Variants in PRKG1 observed in about 807,000 individuals in gnomAD.
PRKG1 encodes protein kinase cGMP-dependent 1.
Under a neutral mutation model 88.1 loss-of-function variants are expected in PRKG1, and 35 were observed. The observed-to-expected ratio is 0.40, with a 90% confidence interval of 0.30 to 0.53. PRKG1 has a LOEUF of 0.53. Among genes scored for constraint, PRKG1 ranks in the 20% least tolerant of loss-of-function variants. PRKG1 has a pLI of 0.59. For synonymous variants in PRKG1, 303 were observed against 292.5 expected (o/e 1.04, Z -0.37); for missense variants, 540 against 839.8 (o/e 0.64, Z 4.41).
At chr10:51,845,315 C>G (rs752706517) in intron 4 of PRKG1, among the ~76,000 whole-genome samples, 8 of 152,092 alleles carry the variant, frequency 5.3e-5, no homozygotes, top group African/African-American at 1.7e-4. Context: ...TTAAGCACCA[C>G]CTCTTGTGTA....
chr10:51,688,237 G>A (rs1841043684), intron 3 of PRKG1, among the ~76,000 whole-genome samples: 1 of 151,958 alleles, frequency 6.6e-6, no homozygotes, highest in South Asian at 2.1e-4. Context: ...AGCAGGTCTG[G>A]GTGGGCACCT....
At position 51,936,720 on chromosome 10, in the gene PRKG1, A is replaced by AT. The variant is rs1589435810; in HGVS notation, c.762+29157dup. ...TTGTTATGATGCTGGCTTAAAAACA[A>AT]TTTTTTTAAAAATTTTTTTGCTTGC... On this transcript the variant is annotated intron_variant, in intron 5 of 17. Coordinates refer to ENST00000373980, the MANE Select transcript of PRKG1 (RefSeq NM_006258.4). 2.0e-5 allele frequency among the ~76,000 whole-genome samples: 3 copies of AT among 151,986 alleles called. No individual in the cohort carries two copies. The South Asian group carries it at 6.2e-4, about 32-fold the overall frequency.
intron 2 of PRKG1, among the ~76,000 whole-genome samples, chr10:51,294,133 A>C (rs549596035): frequency 4.6e-5 from 7 of 152,068 alleles, no homozygotes; most frequent in African/African-American, 1.2e-4. Context: ...CTTATCAGGT[A>C]TATAGATTGC....
intron 3 of PRKG1, among the ~76,000 whole-genome samples, chr10:51,655,919 C>T (rs1202217403): frequency 6.6e-6 from 1 of 152,082 alleles, no homozygotes; most frequent in Non-Finnish European, 1.5e-5. Context: ...TTAATTCTAC[C>T]CGTAATTCTG....
At chr10:52,289,963 T>C (rs548062305) in intron 16 of PRKG1, among the ~76,000 whole-genome samples, 1 of 152,238 alleles carries the variant, frequency 6.6e-6, no homozygotes, top group South Asian at 2.1e-4. Context: ...AGGAACAAGG[T>C]CATAGAGACA....
At chr10:51,855,666 A>G (rs568573521) in intron 4 of PRKG1, among the ~76,000 whole-genome samples, 1 of 152,314 alleles carries the variant, frequency 6.6e-6, no homozygotes, top group South Asian at 2.1e-4. Flanking sequence ...TTCACTTAAA[A>G]ATAAGGTGAC....
At chr10:52,122,620 T>G (rs777188994) in intron 7 of PRKG1, among the ~76,000 whole-genome samples, 23 of 152,186 alleles carry the variant, frequency 1.5e-4, no homozygotes, top group Non-Finnish European at 2.6e-4. Flanking sequence ...CATCCTTCTA[T>G]CTGTAAATTC....
At chr10:51,968,835 A>G (rs1398719227) in intron 5 of PRKG1, among the ~76,000 whole-genome samples, 1 of 151,134 alleles carries the variant, frequency 6.6e-6, no homozygotes, top group Non-Finnish European at 1.5e-5. Context: ...AAAAAAAAAA[A>G]AAGAAAAAAG....
At chr10:51,494,472 T>C (rs1257199435) in intron 3 of PRKG1, among the ~76,000 whole-genome samples, 2 of 152,218 alleles carry the variant, frequency 1.3e-5, no homozygotes, top group Non-Finnish European at 2.9e-5. Context: ...AGGGAAGTTT[T>C]AGGAAAACTT....
chr10:51,246,382 C>T (rs568685910), intron 2 of PRKG1, among the ~76,000 whole-genome samples: 1 of 152,126 alleles, frequency 6.6e-6, no homozygotes, highest in South Asian at 2.1e-4. Context: ...GATAGCACTC[C>T]ACAAACTCTG....
intron 5 of PRKG1, among the ~76,000 whole-genome samples, chr10:51,946,841 C>T (rs1016257482): frequency 2.0e-5 from 3 of 151,952 alleles, no homozygotes; most frequent in Non-Finnish European, 2.9e-5. Flanking sequence ...AGAGGAGTAC[C>T]CAGCCGTGTG....
At chr10:51,337,650 A>G (rs1841909329) in intron 2 of PRKG1, among the ~76,000 whole-genome samples, 1 of 152,206 alleles carries the variant, frequency 6.6e-6, no homozygotes, top group African/African-American at 2.4e-5. Context: ...TATGAAAAAA[A>G]GCTCAACATT....
At chr10:51,228,487 A>G (rs903941596) in intron 2 of PRKG1, among the ~76,000 whole-genome samples, 1 of 152,176 alleles carries the variant, frequency 6.6e-6, no homozygotes, top group Non-Finnish European at 1.5e-5. Context: ...AACTCTTCAT[A>G]TGTAATCCTG....
intron 11 of PRKG1, among the ~76,000 whole-genome samples, chr10:52,271,723 G>A (rs1034779990): frequency 1.3e-5 from 2 of 152,098 alleles, no homozygotes; most frequent in African/African-American, 4.8e-5. Context: ...GGAGGTACCA[G>A]AGTTTCTAAC....
chr10:51,616,284 T>G (rs768170179), intron 3 of PRKG1, among the ~76,000 whole-genome samples: 1 of 152,178 alleles, frequency 6.6e-6, no homozygotes, highest in Non-Finnish European at 1.5e-5. Flanking sequence ...GTTCACTTCT[T>G]GGCCCTTCAG....
intron 2 of PRKG1, among the ~76,000 whole-genome samples, chr10:51,437,651 AC>A (rs2132739683): frequency 6.6e-6 from 1 of 152,052 alleles, no homozygotes; most frequent in Admixed American, 6.6e-5. Context: ...CCCAAAACAT[AC>A]TAAGCATTTA....
chr10:51,137,500 A>C (rs1359106102), intron 1 of PRKG1, among the ~76,000 whole-genome samples: 1 of 152,146 alleles, frequency 6.6e-6, no homozygotes, highest in Non-Finnish European at 1.5e-5. Context: ...ACTTAGTACT[A>C]TGAGAATCTT....
intron 1 of PRKG1, among the ~76,000 whole-genome samples, chr10:51,022,752 T>C (rs1589111416): frequency 6.6e-6 from 1 of 152,198 alleles, no homozygotes; most frequent in East Asian, 1.9e-4. Flanking sequence ...ATAACAAATA[T>C]AGAAGTGTAT....
intron 2 of PRKG1, among the ~76,000 whole-genome samples, chr10:51,236,470 C>A (rs1050749448): frequency 6.7e-6 from 1 of 150,016 alleles, no homozygotes; most frequent in African/African-American, 2.5e-5. Flanking sequence ...TGCATTTGGG[C>A]AATAGTATAG....
Sources: allele counts gnomAD v4.1 joint callset (sites outside exome capture counted in the v4.1 genomes callset), GRCh38; gene constraint gnomAD v4.1.1; transcripts MANE v1.5; gene names NCBI Gene and HGNC (gene_info 2026-07-23, HGNC 2026-07-21).